The following ERGIC3 variants were observed in gnomAD, a reference collection of about 807,000 sequenced individuals.
ERGIC3 encodes the protein endoplasmic reticulum-Golgi intermediate compartment protein 3.
Under a neutral mutation model 54.7 loss-of-function variants are expected in ERGIC3, and 33 were observed. The ratio of observed to expected loss-of-function variants is 0.60; its 90% CI spans 0.46 to 0.81. The LOEUF (loss-of-function observed/expected upper bound fraction) is 0.81, where lower values mean the gene tolerates loss of function less well. Among genes scored for constraint, ERGIC3 ranks in the 30% least tolerant of loss-of-function variants. ERGIC3 has a pLI of 0.00. For synonymous variants in ERGIC3, 186 were observed against 189.8 expected (o/e 0.98, Z 0.16); for missense variants, 399 against 488.4 (o/e 0.82, Z 1.73).
intron 4 of ERGIC3, chr20:35,543,790 T>G (rs1568868330): frequency 1.3e-5 from 6 of 451,198 alleles, no homozygotes; most frequent in Non-Finnish European, 9.4e-6. Flanking sequence ...GAGATGGAGA[T>G]GACTGGAGGA....
Position 35,542,550 on chromosome 20 carries a change from A to G in ERGIC3, c.197A>G (p.Asp66Gly), listed in dbSNP as rs1188455263. 1 of 1,613,900 alleles carries G rather than the reference A, an allele frequency of 6.2e-7. No individual in the cohort carries two copies. The highest frequency in any genetic ancestry group is 1.7e-5 in the Admixed American group (1 of 59,996). The change falls in exon 3 of 13, where the codon GAT (aspartate) becomes GGT (glycine). Residue 66 changes from aspartate to glycine, a missense_variant. By Grantham distance (94) the Asp-to-Gly change is moderately conservative (BLOSUM62 -1). Coordinates refer to ENST00000348547, the MANE Select transcript of ERGIC3 (RefSeq NM_015966.3). ...CTCTACGTGGACAAGTCGCGGGGAG[A>G]TAAACTGAAGATCAACATCGATGTA... Reference protein sequence around the residue: ...PELYVDKSRGDKLKINIDVLF... With the variant: ...PELYVDKSRGGKLKINIDVLF...
At chr20:35,549,016 C>G in intron 7 of ERGIC3, 151 bp downstream of exon 7, 2 of 861,746 alleles carry the variant, frequency 2.3e-6, no homozygotes, top group Non-Finnish European at 3.8e-6. Flanking sequence ...GGCACAGTGG[C>G]TAAGAGCACA....
In ERGIC3 at chr20:35,557,509, C is replaced by T. The variant is rs367789937; in HGVS notation, c.*5C>T. 262 of 1,613,324 alleles carry T rather than the reference C, an allele frequency of 1.6e-4. No homozygotes were observed. The highest frequency in any genetic ancestry group is 2.1e-4 in the Non-Finnish European group (243 of 1,179,500). On this transcript the variant is annotated 3_prime_UTR_variant, in exon 13 of 13. Transcript: ENST00000348547. ...GATCTAGGGAAGACAACGTAGTCAC[C>T]CTCGGTGCTTCCTCTGTCTCCTCTT...
chr20:35,553,020 A>ATTTTTTTTGTTTTTTTTTT (rs2064689925), intron 7 of ERGIC3, among the ~76,000 whole-genome samples: 1 of 41,552 alleles, frequency 2.4e-5, no homozygotes, highest in Non-Finnish European at 4.4e-5. Flanking sequence ...AAAGCTGGGG[A>ATTTTTTTTGTTTTTTTTTT]TTTTTTTTTT....
chr20:35,543,002 C>T, intron 4 of ERGIC3, 61 bp downstream of exon 4: 3 of 1,608,902 alleles, frequency 1.9e-6, no homozygotes, highest in South Asian at 1.1e-5. Context: ...AGCCTATCTG[C>T]TAGCAAGTGA....
At chr20:35,554,092 G>A (rs1177249535) in intron 7 of ERGIC3, among the ~76,000 whole-genome samples, 3 of 152,136 alleles carry the variant, frequency 2.0e-5, no homozygotes, top group African/African-American at 7.2e-5. Context: ...AGAACACTGA[G>A]GCCCAGAAAG....
intron 10 of ERGIC3, chr20:35,556,692 G>A: frequency 1.9e-6 from 1 of 538,214 alleles, no homozygotes; most frequent in East Asian, 3.3e-5. Context: ...CGTCTTTGGA[G>A]AGCTGCTTCT....
At chr20:35,544,459 T>C (rs6060456) in intron 4 of ERGIC3, 34,391 of 313,152 alleles carry the variant, frequency 0.11, 2,241 homozygotes, top group South Asian at 0.19. Flanking sequence ...GCTTTCCTCA[T>C]GATGGCTGGG....
chr20:35,554,395 C>T (rs1290489735), intron 7 of ERGIC3: 1 of 1,614,132 alleles, frequency 6.2e-7, no homozygotes, highest in Non-Finnish European at 8.5e-7. Flanking sequence ...GAGTAAGTGG[C>T]CCTGCCCCCA....
intron 7 of ERGIC3, chr20:35,554,445 T>C (rs2147309983): frequency 6.2e-7 from 1 of 1,602,056 alleles, no homozygotes; most frequent in Non-Finnish European, 8.5e-7. Context: ...CCTGCCCTAC[T>C]AGAATGGCGG....
At chr20:35,551,046 C>A (rs1361406758) in intron 7 of ERGIC3, among the ~76,000 whole-genome samples, 1 of 152,118 alleles carries the variant, frequency 6.6e-6, no homozygotes, top group African/African-American at 2.4e-5. Flanking sequence ...AATCCTAGCA[C>A]TTTGGGAGGC....
At chr20:35,555,723 C>T (rs1255576837) in intron 8 of ERGIC3, among the ~76,000 whole-genome samples, 1 of 148,998 alleles carries the variant, frequency 6.7e-6, no homozygotes, top group Non-Finnish European at 1.5e-5. Flanking sequence ...GAGGCTGAGG[C>T]AAGAGAATCG....
intron 4 of ERGIC3, among the ~76,000 whole-genome samples, chr20:35,546,618 G>A (rs931234811): frequency 1.3e-5 from 2 of 152,144 alleles, no homozygotes; most frequent in Non-Finnish European, 2.9e-5. Flanking sequence ...AAAGACGAGA[G>A]GAACAGGGAG....
chr20:35,556,381 C>T (rs1364663833), intron 10 of ERGIC3, 110 bp downstream of exon 10: 12 of 1,159,346 alleles, frequency 1.0e-5, no homozygotes, highest in Non-Finnish European at 1.5e-5. Context: ...CCTCACATGG[C>T]GAATAAAAGA....
chr20:35,544,376 A>T (rs1012494731), intron 4 of ERGIC3: 1 of 274,210 alleles, frequency 3.6e-6, no homozygotes, highest in South Asian at 3.7e-5. Context: ...GTTTAAATTT[A>T]TTTTTTTTCT....
At chr20:35,552,159 G>C (rs2064685271) in intron 7 of ERGIC3, among the ~76,000 whole-genome samples, 1 of 152,186 alleles carries the variant, frequency 6.6e-6, no homozygotes, top group South Asian at 2.1e-4. Flanking sequence ...TGTAGGTACA[G>C]GTAGGGTGGT....
Position 35,557,472 on chromosome 20 carries a change from C to CAGA in ERGIC3, c.1125_1127dup (p.Lys376dup). 6.2e-7 allele frequency: 1 copy of CAGA among 1,614,148 alleles called. No homozygotes were observed. The highest frequency in any genetic ancestry group is 8.5e-7 in the Non-Finnish European group (1 of 1,180,028). Reference sequence around the variant, plus strand: ...CATCTACCACTCAGCACGAGCCATCCAGAAGAAAATTGATCTAGGGAAGAC... The same window carrying CAGA: ...CATCTACCACTCAGCACGAGCCATCCAGAAGAAGAAAATTGATCTAGGGAAGAC... On this transcript the variant is annotated inframe_insertion, in exon 13 of 13. Coordinates refer to ENST00000348547, the MANE Select transcript of ERGIC3 (RefSeq NM_015966.3).
Position 35,548,580 on chromosome 20 carries a change from C to A in ERGIC3, c.533C>A (p.Thr178Asn). The change falls in exon 6 of 13, where the codon ACT (threonine) becomes AAT (asparagine). Residue 178 changes from threonine (T) to asparagine (N), a missense_variant. Physicochemically the swap from Thr to Asn is moderately conservative, Grantham distance 65. Transcript: ENST00000348547. Reference protein sequence around the residue: ...RRGWAFKNPDTIEQCRREGFS... With the variant: ...RRGWAFKNPDNIEQCRREGFS... ...GGCTGGGCCTTCAAGAACCCAGATA[C>A]TATTGAGCAGTGCCGGCGAGAGGGC... 6.2e-7 allele frequency: 1 copy of A among 1,614,220 alleles called. No individual in the cohort carries two copies. Among genetic ancestry groups the A allele is most frequent in the Non-Finnish European group, 8.5e-7 (1 of 1,180,046 alleles).
chr20:35,547,151 T>C, intron 4 of ERGIC3: 1 of 328,466 alleles, frequency 3.0e-6, no homozygotes, highest in South Asian at 4.1e-5. Flanking sequence ...GGGGATGAAA[T>C]GAGATGATGG....
Sources: gnomAD v4.1 joint callset for allele counts (sites outside exome capture counted in the v4.1 genomes callset) on GRCh38, gnomAD v4.1.1 for gene constraint, MANE v1.5 for transcripts, NCBI Gene and HGNC (gene_info 2026-07-23, HGNC 2026-07-21) for gene names.